Variants in TMEM9 observed in about 807,000 individuals in gnomAD.
TMEM9 encodes transmembrane protein 9.
TMEM9 carries 13 observed loss-of-function variants against 22.8 expected under a neutral mutation model. The ratio of observed to expected loss-of-function variants is 0.57; its 90% CI spans 0.37 to 0.91. The LOEUF (loss-of-function observed/expected upper bound fraction) is 0.91, where lower values mean the gene tolerates loss of function less well. TMEM9 is among the 40% of genes least tolerant of loss of function. The probability of loss-of-function intolerance (pLI) is 0.01; values close to 1 mark genes in which losing one functional copy is unlikely to be tolerated. For synonymous variants in TMEM9, 88 were observed against 93.0 expected (o/e 0.95, Z 0.31); for missense variants, 182 against 238.1 (o/e 0.76, Z 1.55).
At chr1:201,160,591 A>G (rs1232412379) in intron 1 of TMEM9, among the ~76,000 whole-genome samples, 1 of 148,078 alleles carries the variant, frequency 6.8e-6, no homozygotes, top group Non-Finnish European at 1.5e-5. Context: ...ATCTGTCTCA[A>G]AAAAAAAATA....
At chr1:201,148,691 A>C (rs1474679388) in intron 2 of TMEM9, among the ~76,000 whole-genome samples, 1 of 152,194 alleles carries the variant, frequency 6.6e-6, no homozygotes, top group African/African-American at 2.4e-5. Context: ...TGATATAAAG[A>C]CCATGTGTTG....
At chr1:201,143,353 C>T (rs890529420) in intron 4 of TMEM9, among the ~76,000 whole-genome samples, 3 of 152,218 alleles carry the variant, frequency 2.0e-5, no homozygotes, top group South Asian at 2.1e-4. Context: ...ATTCCTCTTC[C>T]GCTCTTGAAA....
chr1:201,155,022 T>A (rs1665740262), upstream of TMEM9, among the ~76,000 whole-genome samples: 1 of 152,068 alleles, frequency 6.6e-6, no homozygotes, highest in African/African-American at 2.4e-5. Flanking sequence ...CCCATGCTGG[T>A]GCTGGGCCTG....
Position 201,143,940 on chromosome 1 carries a change from G to C in TMEM9, c.279C>G (p.Val93=). The part of the protein sequence containing the change: ...RSTTTIKVII[V]IYLSVVGALL... ...GGGCACCCACCACGGACAGGTAGAT[G>C]ACAATGATGACCTGAGGAAGAGACC... Residue 93 remains valine, a synonymous_variant, in exon 4 of 5, where the codon GTC becomes GTG. Coordinates refer to ENST00000367330, the MANE Select transcript of TMEM9 (RefSeq NM_001288565.2). 1.2e-6 allele frequency: 2 copies of C among 1,614,134 alleles called. No individual in the cohort carries two copies. Among genetic ancestry groups the C allele is most frequent in the Non-Finnish European group, 8.5e-7 (1 of 1,180,010 alleles).
intron 4 of TMEM9, among the ~76,000 whole-genome samples, chr1:201,141,545 T>C (rs1214187829): frequency 6.6e-6 from 1 of 152,120 alleles, no homozygotes; most frequent in African/African-American, 2.4e-5. Flanking sequence ...GGTCAGGGTA[T>C]CAAAGAGATT....
intron 4 of TMEM9, among the ~76,000 whole-genome samples, chr1:201,141,838 C>T (rs1664554949): frequency 6.6e-6 from 1 of 152,148 alleles, no homozygotes; most frequent in Admixed American, 6.5e-5. Flanking sequence ...CCAGGGACGG[C>T]AAGCTGCTCT....
chr1:201,171,545 C>T (rs1666211368), exon 1 of TMEM9: 1 of 152,268 alleles, frequency 6.6e-6, no homozygotes, highest in Non-Finnish European at 1.5e-5. Context: ...AGCTCCTGCT[C>T]TCGGGTGCAT....
chr1:201,162,250 G>A (rs1445804121), intron 1 of TMEM9, among the ~76,000 whole-genome samples: 1 of 151,618 alleles, frequency 6.6e-6, no homozygotes, highest in Non-Finnish European at 1.5e-5. Flanking sequence ...TGACCTCCAG[G>A]CTCTTGAGTA....
intron 4 of TMEM9, among the ~76,000 whole-genome samples, chr1:201,141,995 C>G (rs1015887353): frequency 1.3e-5 from 2 of 152,230 alleles, no homozygotes; most frequent in African/African-American, 4.8e-5. Context: ...CACATTACCC[C>G]TAATCGCTGA....
intron 1 of TMEM9, among the ~76,000 whole-genome samples, chr1:201,165,124 A>C (rs1187513711): frequency 6.9e-6 from 1 of 144,192 alleles, no homozygotes; most frequent in Non-Finnish European, 1.5e-5. Context: ...AGGACACATC[A>C]CATTTTATCA....
intron 3 of TMEM9, among the ~76,000 whole-genome samples, chr1:201,146,275 C>A (rs1396438483): frequency 6.6e-6 from 1 of 152,314 alleles, no homozygotes; most frequent in African/African-American, 2.4e-5. Flanking sequence ...TCTCCCAGCA[C>A]CCAACACCCA....
intron 3 of TMEM9, among the ~76,000 whole-genome samples, chr1:201,146,000 T>A (rs116733183): frequency 0.011 from 1,749 of 152,288 alleles, 17 homozygotes; most frequent in Middle Eastern, 0.024. Context: ...ATGTAATCAG[T>A]GAGTACTGTG....
At chr1:201,136,492 G>C (rs1663998202) in intron 4 of TMEM9, among the ~76,000 whole-genome samples, 1 of 152,162 alleles carries the variant, frequency 6.6e-6, no homozygotes, top group African/African-American at 2.4e-5. Context: ...ACATCACTCA[G>C]GGAGTCTGAC....
chr1:201,158,071 G>A (rs550267267), upstream of TMEM9, among the ~76,000 whole-genome samples: 2 of 152,324 alleles, frequency 1.3e-5, no homozygotes, highest in South Asian at 4.1e-4. Context: ...GTTAGAGAAG[G>A]AGATGGACAT....
At chr1:201,163,278 C>T (rs554483252) in intron 1 of TMEM9, among the ~76,000 whole-genome samples, 18 of 151,496 alleles carry the variant, frequency 1.2e-4, no homozygotes, top group African/African-American at 4.1e-4. Flanking sequence ...CACAGTGAGA[C>T]CCTATGTCAA....
rs1339499197 is a variant in TMEM9, at chr1:201,135,583, G to A, written c.*80C>T. The A allele has an allele frequency of 2.2e-6, 3 of 1,388,700 alleles. No individual in the cohort carries two copies. In the East Asian group the frequency reaches 7.9e-5, roughly 36 times the overall value. The allele number at this position is 1,388,700 out of a possible 1,614,324, so 86.0% of individuals were successfully genotyped here. A position where few individuals can be genotyped will look rare whatever the true frequency, so the allele number is the denominator to read the frequency against. On this transcript the variant is annotated 3_prime_UTR_variant, in exon 5 of 5. Transcript: ENST00000367330. ...AGGGAAGACTGGAACCGAGGGAAGG[G>A]AGAAGTAGCCCCCTGCTTTGTCCAG...
chr1:201,144,140 A>G, intron 3 of TMEM9, 189 bp from the exon 4 acceptor site: 1 of 584,848 alleles, frequency 1.7e-6, no homozygotes, highest in Admixed American at 2.8e-5. Context: ...CCTACTCCAC[A>G]GAGGAAGCAC....
chr1:201,148,243 A>G (rs2102262901), intron 2 of TMEM9, among the ~76,000 whole-genome samples: 1 of 152,160 alleles, frequency 6.6e-6, no homozygotes, highest in East Asian at 1.9e-4. Flanking sequence ...CAGAACCCAA[A>G]TCTAGACCCT....
chr1:201,143,630 G>A (rs570200405), intron 4 of TMEM9, among the ~76,000 whole-genome samples, 190 bp downstream of exon 4: 11 of 152,222 alleles, frequency 7.2e-5, no homozygotes, highest in Non-Finnish European at 1.2e-4. Context: ...GATGCCCGGT[G>A]TCCTGCTTCA....
Sources: allele counts gnomAD v4.1 joint callset (sites outside exome capture counted in the v4.1 genomes callset), GRCh38; gene constraint gnomAD v4.1.1; transcripts MANE v1.5; gene names NCBI Gene and HGNC (gene_info 2026-07-23, HGNC 2026-07-21).